The following CDH1 variants were observed in gnomAD, a reference collection of about 807,000 sequenced individuals.
The protein encoded by CDH1 is cadherin-1.
A neutral mutation model predicts 84.5 loss-of-function variants in CDH1; 35 were observed. The observed-to-expected ratio is 0.41, with a 90% CI of 0.32 to 0.55. The LOEUF (loss-of-function observed/expected upper bound fraction) is 0.55, where lower values mean the gene tolerates loss of function less well. CDH1 is among the 20% of genes least tolerant of loss of function. The probability of loss-of-function intolerance (pLI) is 0.19; values close to 1 mark genes in which losing one functional copy is unlikely to be tolerated. For missense variants in CDH1, 994 were observed against 1,126.6 expected (o/e 0.88, Z 1.68); for synonymous variants, 417 against 439.0 (o/e 0.95, Z 0.63).
chr16:68,747,385 G>T (rs1281528884), intron 2 of CDH1, among the ~76,000 whole-genome samples: 1 of 152,158 alleles, frequency 6.6e-6, no homozygotes, highest in Admixed American at 6.5e-5. Flanking sequence ...GCCTTGGGCC[G>T]TGGGTCATGG....
At chr16:68,815,890 T>G in intron 10 of CDH1, 131 bp downstream of exon 10, 1 of 1,106,822 alleles carries the variant, frequency 9.0e-7, no homozygotes, top group Non-Finnish European at 1.3e-6. Context: ...TAATTTATTT[T>G]TTATTCCCTT....
intron 2 of CDH1, among the ~76,000 whole-genome samples, chr16:68,747,394 G>A (rs1962773368): frequency 6.6e-6 from 1 of 152,132 alleles, no homozygotes; most frequent in Admixed American, 6.6e-5. Flanking sequence ...CGTGGGTCAT[G>A]GAGGGTTTTC....
At chr16:68,823,369 C>G (rs1461137722) in intron 12 of CDH1, 30 bp from the exon 13 acceptor site, 3 of 1,472,548 alleles carry the variant, frequency 2.0e-6, no homozygotes, top group South Asian at 2.3e-5. Context: ...CTCCCCTGGT[C>G]TCATCATTTC....
In CDH1 at chr16:68,808,403, C is replaced by A. The variant is rs769585694; in HGVS notation, c.388-21C>A. On this transcript the variant is annotated intron_variant, in intron 3 of 15. Transcript: ENST00000261769. ...CCGTCTTGAATTGTCTTATCTTGTTCCTCATCTTCTTTCCTTTTAGGCCTC... is the reference window on the plus strand; with the variant it reads ...CCGTCTTGAATTGTCTTATCTTGTTACTCATCTTCTTTCCTTTTAGGCCTC... 469 of 1,613,200 alleles carry A rather than the reference C, an allele frequency of 2.9e-4. No individual in the cohort carries two copies. Among genetic ancestry groups the A allele is most frequent in the Non-Finnish European group, 3.9e-4 (455 of 1,179,284 alleles).
At chr16:68,769,327 A>G (rs1038696315) in intron 2 of CDH1, among the ~76,000 whole-genome samples, 13 of 152,082 alleles carry the variant, frequency 8.5e-5, no homozygotes, top group African/African-American at 3.1e-4. Flanking sequence ...ACTTTTTTTC[A>G]AAATCATGCT....
chr16:68,777,634 C>G (rs1244570545), intron 2 of CDH1, among the ~76,000 whole-genome samples: 3 of 149,842 alleles, frequency 2.0e-5, no homozygotes, highest in Non-Finnish European at 3.0e-5. Flanking sequence ...GCCTCGACCT[C>G]CCAGGCTCAA....
At chr16:68,811,980 C>A in intron 7 of CDH1, 121 bp downstream of exon 7, 2 of 1,432,362 alleles carry the variant, frequency 1.4e-6, no homozygotes, top group East Asian at 2.3e-5. Context: ...CTAAGCTTTG[C>A]ATCTAAGCTT....
chr16:68,750,150 C>CTTTTTTTTTTTTTTTTTTTT lies in CDH1; in HGVS notation c.163+11749_163+11750insTTTTTTTTTTTTTTTTTTTT, dbSNP rs34551002. ...TTTTGATTGTGATGCTAGAATTCAGCTTTTTTTTTTGCCTTTGGAAGGCCT... is the reference window on the plus strand; with the variant it reads ...TTTTGATTGTGATGCTAGAATTCAGCTTTTTTTTTTTTTTTTTTTTTTTTTTTTTTGCCTTTGGAAGGCCT... On this transcript the variant is annotated intron_variant, in intron 2 of 15. Transcript: ENST00000261769. Among the ~76,000 whole-genome samples, 12 of 79,144 alleles carry CTTTTTTTTTTTTTTTTTTTT rather than the reference C, an allele frequency of 1.5e-4. 1 individual carries two copies. Among genetic ancestry groups the CTTTTTTTTTTTTTTTTTTTT allele is most frequent in the African/African-American group, 2.5e-4 (6 of 23,940 alleles). 51.9% of individuals were successfully genotyped at this position (79,144 alleles called of 152,430 possible).
chr16:68,741,931 A>G (rs1334826359), intron 2 of CDH1, among the ~76,000 whole-genome samples: 1 of 152,144 alleles, frequency 6.6e-6, no homozygotes, highest in Non-Finnish European at 1.5e-5. Context: ...TTGGCCTCCC[A>G]AAGTGTTGGG....
intron 5 of CDH1, 188 bp downstream of exon 5, chr16:68,809,036 C>T (rs1960749313): frequency 3.2e-6 from 2 of 619,938 alleles, no homozygotes; most frequent in Non-Finnish European, 5.7e-6. Context: ...AATTTTTCTC[C>T]TTGTCAGGAA....
chr16:68,788,941 G>T (rs1255118325), intron 2 of CDH1, among the ~76,000 whole-genome samples: 2 of 152,128 alleles, frequency 1.3e-5, no homozygotes, highest in African/African-American at 4.8e-5. Flanking sequence ...GGAGGCGGAG[G>T]TTGCGGTAAT....
At position 68,738,501 on chromosome 16, in the gene CDH1, T is replaced by G. The variant is rs1422415258; in HGVS notation, c.163+90T>G. ...GCACTCCCACACCCCTGGGTTGCAA[T>G]GGGCAAGCTCCCTCCTTGGCTCAAA... is the stretch of plus-strand genomic sequence containing the variant. On this transcript the variant is annotated intron_variant, in intron 2 of 15. Transcript: ENST00000261769. 2.4e-6 allele frequency: 2 copies of G among 826,790 alleles called. No homozygotes were observed. The highest frequency in any genetic ancestry group is 3.8e-6 in the Non-Finnish European group (2 of 525,636). The allele number at this position is 826,790 out of a possible 1,614,324, so 51.2% of individuals were successfully genotyped here.
chr16:68,833,616 G>A lies in CDH1; in HGVS notation c.*117G>A. 1 of 772,466 alleles carries A rather than the reference G, an allele frequency of 1.3e-6. No homozygotes were observed. The highest frequency in any genetic ancestry group is 2.3e-6 in the Non-Finnish European group (1 of 436,536). The allele number at this position is 772,466 out of a possible 1,614,324, so 47.9% of individuals were successfully genotyped here. A position where few individuals can be genotyped will look rare whatever the true frequency, so the allele number is the denominator to read the frequency against. On this transcript the variant is annotated 3_prime_UTR_variant, in exon 16 of 16. Coordinates refer to ENST00000261769, the MANE Select transcript of CDH1 (RefSeq NM_004360.5). ...AGTTTCTGGGGAAAAAAAAGAGACTGGTTAGTGATGCAGTTAGTATAGCTT... is the reference window on the plus strand; with the variant it reads ...AGTTTCTGGGGAAAAAAAAGAGACTAGTTAGTGATGCAGTTAGTATAGCTT...
At chr16:68,823,998 T>C (rs1375016739) in intron 13 of CDH1, among the ~76,000 whole-genome samples, 2 of 146,000 alleles carry the variant, frequency 1.4e-5, no homozygotes, top group Admixed American at 6.7e-5. Flanking sequence ...ATTTCTTTTT[T>C]TTTTTTTTTT....
chr16:68,802,253 G>A (rs1042595999), intron 3 of CDH1, among the ~76,000 whole-genome samples: 3 of 152,224 alleles, frequency 2.0e-5, no homozygotes, highest in Non-Finnish European at 4.4e-5. Flanking sequence ...GTCTGGGACT[G>A]AATCTCAGCC....
intron 3 of CDH1, 114 bp downstream of exon 3, chr16:68,802,007 G>T (rs1960531198): frequency 2.3e-6 from 2 of 863,208 alleles, no homozygotes; most frequent in South Asian, 1.4e-5. Flanking sequence ...TGTTGTAGGG[G>T]TTGTCCTGTG....
intron 2 of CDH1, among the ~76,000 whole-genome samples, chr16:68,749,542 G>C (rs934685488): frequency 6.6e-6 from 1 of 152,224 alleles, no homozygotes; most frequent in African/African-American, 2.4e-5. Context: ...GCCAGCAGAT[G>C]AAAGACAACT....
chr16:68,808,474 T>C lies in CDH1; in HGVS notation c.438T>C (p.Ser146=), dbSNP rs2152129677. ...QAELLTFPNS[S]PGLRRQKRDW... is the part of the protein sequence containing the mutation. The stretch of plus-strand genomic sequence containing the variant: ...AATTGCTCACATTTCCCAACTCCTC[T>C]CCTGGCCTCAGAAGACAGAAGAGAG... Residue 146 remains serine (S), a synonymous_variant, in exon 4 of 16, where the codon TCT becomes TCC. Coordinates refer to ENST00000261769, the MANE Select transcript of CDH1 (RefSeq NM_004360.5). 1.2e-6 allele frequency: 2 copies of C among 1,614,072 alleles called. No homozygotes were observed. Among genetic ancestry groups the C allele is most frequent in the Non-Finnish European group, 1.7e-6 (2 of 1,179,970 alleles).
chr16:68,813,261 C>T lies in CDH1; in HGVS notation c.1138-52C>T, dbSNP rs374483659. ...AATCCTTTAGCCCCCTGAGACTCAG[C>T]TCTGCTAGCAGTCTTGGTACTTTGT... On this transcript the variant is annotated intron_variant, in intron 8 of 15. Coordinates refer to ENST00000261769, the MANE Select transcript of CDH1 (RefSeq NM_004360.5). 2.5e-5 allele frequency: 40 copies of T among 1,569,552 alleles called. No individual in the cohort carries two copies. In the African/African-American group the frequency reaches 2.8e-4, roughly 11 times the overall value.
Sources: gnomAD v4.1 joint callset for allele counts (sites outside exome capture counted in the v4.1 genomes callset) on GRCh38, gnomAD v4.1.1 for gene constraint, MANE v1.5 for transcripts, NCBI Gene and HGNC (gene_info 2026-07-23, HGNC 2026-07-21) for gene names.